NAA25: variants seen among roughly 807,000 people sequenced by gnomAD.
The protein encoded by NAA25 is N-alpha-acetyltransferase 25, NatB auxiliary subunit.
NAA25 carries 30 observed loss-of-function variants against 132.5 expected under a neutral mutation model. The observed-to-expected ratio is 0.23, with a 90% CI of 0.17 to 0.31. The LOEUF (loss-of-function observed/expected upper bound fraction) is 0.31, where lower values mean the gene tolerates loss of function less well. Ranked by LOEUF, NAA25 falls within the 10% of genes least tolerant of loss-of-function variation. The pLI, the probability that NAA25 is intolerant of heterozygous loss-of-function variation, is 1.00. For synonymous variants in NAA25, 359 were observed against 401.9 expected, an observed-to-expected ratio of 0.89 and a Z score of 1.28; for missense variants, 771 against 1,150.4, an observed-to-expected ratio of 0.67 and a Z score of 4.77.
chr12:112,043,934 T>A, intron 17 of NAA25, 66 bp from the exon 18 acceptor site: 1 of 1,529,566 alleles, frequency 6.5e-7, no homozygotes, highest in Non-Finnish European at 8.8e-7. Context: ...TTCAATTTTT[T>A]TTTTTTTTTT....
intron 1 of NAA25, 69 bp downstream of exon 1, chr12:112,108,647 G>A: frequency 2.2e-6 from 3 of 1,357,760 alleles, no homozygotes; most frequent in Non-Finnish European, 2.9e-6. Context: ...ACCCCTCCTG[G>A]GCTTTCGCCC....
intron 3 of NAA25, among the ~76,000 whole-genome samples, chr12:112,090,109 G>A (rs1454568228): frequency 6.6e-6 from 1 of 151,996 alleles, no homozygotes; most frequent in Non-Finnish European, 1.5e-5. Context: ...GGGATTACAA[G>A]TTTTAGCCAC....
chr12:112,095,257 G>T (rs2079194913), intron 1 of NAA25, among the ~76,000 whole-genome samples: 1 of 151,886 alleles, frequency 6.6e-6, no homozygotes, highest in Non-Finnish European at 1.5e-5. Flanking sequence ...CTAACACGGT[G>T]AAACCCCATC....
At chr12:112,078,438 C>A (rs1252914551) in intron 6 of NAA25, among the ~76,000 whole-genome samples, 172 bp from the exon 7 acceptor site, 1 of 152,226 alleles carries the variant, frequency 6.6e-6, no homozygotes, top group Non-Finnish European at 1.5e-5. Flanking sequence ...CCCGTCTATA[C>A]ACATCTCAGC....
At chr12:112,033,598 TAA>T in intron 22 of NAA25, 1 of 313,946 alleles carries the variant, frequency 3.2e-6, no homozygotes, top group East Asian at 5.4e-5. Context: ...AATACTTAAA[TAA>T]AAAAAAATCC....
chr12:112,064,982 C>T (rs567709765), intron 11 of NAA25, among the ~76,000 whole-genome samples: 2 of 152,072 alleles, frequency 1.3e-5, no homozygotes, highest in East Asian at 1.9e-4. Flanking sequence ...TGCAGTGAGC[C>T]GAAATCGCGC....
intron 1 of NAA25, among the ~76,000 whole-genome samples, chr12:112,095,695 CT>C (rs2079203818): frequency 6.6e-6 from 1 of 151,020 alleles, no homozygotes; most frequent in Non-Finnish European, 1.5e-5. Context: ...TGGAGGAAGC[CT>C]TATATTCATA....
intron 17 of NAA25, among the ~76,000 whole-genome samples, chr12:112,044,694 C>A (rs1027880250): frequency 1.0e-4 from 15 of 149,440 alleles, no homozygotes; most frequent in African/African-American, 2.0e-4. Flanking sequence ...CAAAACAAAA[C>A]AAAAAAAACA....
At chr12:112,054,899 C>G (rs1026154648) in intron 13 of NAA25, among the ~76,000 whole-genome samples, 4 of 152,270 alleles carry the variant, frequency 2.6e-5, no homozygotes, top group East Asian at 1.9e-4. Flanking sequence ...GAGCTCAGCA[C>G]CTTGCCCCTG....
Position 112,079,028 on chromosome 12 carries a change from C to T in NAA25, c.478-287G>A, listed in dbSNP as rs10849999. On this transcript the variant is annotated intron_variant, in intron 5 of 23. Transcript: ENST00000261745. ...TTTCTAGAAGAATGTAAAGAGGGAG[C>T]ATGCCTATGCTGTTTATTATTTATG... Among the ~76,000 whole-genome samples the T allele has an allele frequency of 0.055, 8,438 of 152,162 alleles. 1,299 individuals carry two copies. In the East Asian group the frequency reaches 0.61, roughly 11 times the overall value.
rs1330144208 is a variant in NAA25, at chr12:112,054,499, G to T, written c.1517C>A (p.Ala506Asp). ...EEGLTHSPSNAQFKLLLVRIY... is the reference protein window; with the variant it reads ...EEGLTHSPSNDQFKLLLVRIY... The stretch of plus-strand genomic sequence containing the variant: ...TCGAACAAGCAGCAATTTGAACTGA[G>T]CATTGGAAGGGCTATGGGTTAATCC... Residue 506 changes from alanine (A) to aspartate (D), a missense_variant, in exon 14 of 24, where the codon GCT becomes GAT. By Grantham distance (126) the Ala-to-Asp change is moderately radical. Around this residue, in one of 3 missense-constraint regions of NAA25, gnomAD observed 417 missense variants for 733.8 expected, o/e 0.57. Transcript: ENST00000261745. 6.2e-7 allele frequency: 1 copy of T among 1,614,032 alleles called. No individual in the cohort carries two copies. Among genetic ancestry groups the T allele is most frequent in the Non-Finnish European group, 8.5e-7 (1 of 1,180,016 alleles).
At chr12:112,068,382 T>A (rs532652005) in intron 11 of NAA25, among the ~76,000 whole-genome samples, 1 of 152,138 alleles carries the variant, frequency 6.6e-6, no homozygotes, top group Admixed American at 6.6e-5. Context: ...CACACCCATA[T>A]GTGCCACATA....
Position 112,047,747 on chromosome 12 carries a change from G to A in NAA25, c.1924C>T (p.Pro642Ser). The A allele has an allele frequency of 6.2e-7, 1 of 1,613,404 alleles. No individual in the cohort carries two copies. Among genetic ancestry groups the A allele is most frequent in the East Asian group, 2.2e-5 (1 of 44,846 alleles). Residue 642 changes from proline to serine, a missense_variant, in exon 17 of 24, where the codon CCA (proline) becomes TCA (serine). Coordinates refer to ENST00000261745, the MANE Select transcript of NAA25 (RefSeq NM_024953.4). ...AESIKSMNLR[P>S]EEDDIPWEDL... ...TCCCATGGAATGTCATCTTCTTCTG[G>A]CCTAAGGTTCATTGACTTTATACTT...
In NAA25 at chr12:112,090,861, A is replaced by G; in HGVS notation, c.148T>C (p.Leu50=). Residue 50 remains leucine (L), a synonymous_variant, in exon 3 of 24, where the codon TTA becomes CTA. Transcript: ENST00000261745. The part of the protein sequence containing the change: ...KHKDLHCAKV[L]KAIGLQRTGK... ...GTTCTCTGTAAACCAATTGCCTTTAAAACCTGATAGCAACAAAAGAAAAAT... is the reference window on the plus strand; with the variant it reads ...GTTCTCTGTAAACCAATTGCCTTTAGAACCTGATAGCAACAAAAGAAAAAT... The G allele has an allele frequency of 6.3e-7, 1 of 1,596,436 alleles. No individual in the cohort carries two copies. The highest frequency in any genetic ancestry group is 8.5e-7 in the Non-Finnish European group (1 of 1,175,182).
Position 112,074,692 on chromosome 12 carries a change from A to G in NAA25, c.849T>C (p.Pro283=). The stretch of plus-strand genomic sequence containing the variant: ...CAACTTACTGTTCACCTTCAGCAGG[A>G]GGACTCCAGGCCTCTTCAATCAGTC... ...VFRLIEEAWS[P]PAEGEHSLEG... Residue 283 remains proline, a synonymous_variant, in exon 9 of 24, where the codon CCT becomes CCC. Coordinates refer to ENST00000261745, the MANE Select transcript of NAA25 (RefSeq NM_024953.4). 1 of 1,607,868 alleles carries G rather than the reference A, an allele frequency of 6.2e-7. No individual in the cohort carries two copies. Among genetic ancestry groups the G allele is most frequent in the Non-Finnish European group, 8.5e-7 (1 of 1,177,288 alleles).
At chr12:112,053,365 C>T (rs1045843826) in intron 15 of NAA25, among the ~76,000 whole-genome samples, 193 bp downstream of exon 15, 6 of 152,124 alleles carry the variant, frequency 3.9e-5, no homozygotes, top group Admixed American at 3.3e-4. Context: ...CTATTAAACA[C>T]GCCCATTCTA....
chr12:112,070,977 C>T (rs888003948), intron 10 of NAA25, among the ~76,000 whole-genome samples: 1 of 151,980 alleles, frequency 6.6e-6, no homozygotes, highest in Non-Finnish European at 1.5e-5. Flanking sequence ...GAACACCTGA[C>T]CTCAGGTGAT....
At position 112,042,118 on chromosome 12, in the gene NAA25, A is replaced by AC. The variant is rs749441054; in HGVS notation, c.2375-15dup. On this transcript the variant is annotated splice_polypyrimidine_tract_variant and intron_variant, in intron 19 of 23. Coordinates refer to ENST00000261745, the MANE Select transcript of NAA25 (RefSeq NM_024953.4). Reference sequence around the variant, plus strand: ...CCATTGTATCCTCTAAAATTGAAAAACAAAAAATGAAAAACTTTCAATTCT... The same window carrying AC: ...CCATTGTATCCTCTAAAATTGAAAAACCAAAAAATGAAAAACTTTCAATTCT... 7.4e-7 allele frequency: 1 copy of AC among 1,355,546 alleles called. No homozygotes were observed. Among genetic ancestry groups the AC allele is most frequent in the African/African-American group, 1.5e-5 (1 of 65,428 alleles). The allele number at this position is 1,355,546 out of a possible 1,614,324, so 84.0% of individuals were successfully genotyped here. A position where few individuals can be genotyped will look rare whatever the true frequency, so the allele number is the denominator to read the frequency against.
chr12:112,091,801 G>T (rs1404542060), intron 2 of NAA25, among the ~76,000 whole-genome samples: 1 of 152,150 alleles, frequency 6.6e-6, no homozygotes, highest in Non-Finnish European at 1.5e-5. Flanking sequence ...GGCCAAGGCT[G>T]TAGTGAGTCA....
Sources: gnomAD v4.1 joint callset for allele counts (sites outside exome capture counted in the v4.1 genomes callset) on GRCh38, gnomAD v4.1.1 for gene constraint, gnomAD v4.1.1 regional missense constraint, MANE v1.5 for transcripts, NCBI Gene and HGNC (gene_info 2026-07-23, HGNC 2026-07-21) for gene names.